The following CDH8 variants were observed in gnomAD, a reference collection of about 807,000 sequenced individuals.
CDH8 encodes cadherin-8.
In CDH8, 17 loss-of-function variants were observed where a neutral mutation model predicts 68.1. The observed-to-expected ratio is 0.25, with a 90% confidence interval of 0.17 to 0.37. The LOEUF is 0.37. Among genes scored for constraint, CDH8 ranks in the 10% least tolerant of loss-of-function variants. The pLI, the probability that CDH8 is intolerant of heterozygous loss-of-function variation, is 1.00. For missense variants in CDH8, 763 were observed against 999.3 expected, an observed-to-expected ratio of 0.76 and a Z score of 3.19; for synonymous variants, 372 against 365.1, an observed-to-expected ratio of 1.02 and a Z score of -0.21.
At position 62,032,274 on chromosome 16, in the gene CDH8, G is replaced by C. The variant is rs1010729959; in HGVS notation, c.-200+3806C>G. Reference sequence around the variant, plus strand: ...GGAACATGATAAAAATCTCAGACTTGAGCCAATAAATGAGTTCGTTATCTG... The same window carrying C: ...GGAACATGATAAAAATCTCAGACTTCAGCCAATAAATGAGTTCGTTATCTG... On this transcript the variant is annotated intron_variant, in intron 1 of 11. Coordinates refer to ENST00000577390, the MANE Select transcript of CDH8 (RefSeq NM_001796.5). 2.0e-5 allele frequency among the ~76,000 whole-genome samples: 3 copies of C among 152,072 alleles called. No individual in the cohort carries two copies. The East Asian group carries it at 5.8e-4, about 29-fold the overall frequency.
intron 4 of CDH8, among the ~76,000 whole-genome samples, chr16:61,834,296 C>T (rs1221626493): frequency 6.6e-6 from 1 of 151,618 alleles, no homozygotes; most frequent in Non-Finnish European, 1.5e-5. Context: ...GTGAGTGTGG[C>T]AGTATTTGAC....
chr16:61,687,965 G>A (rs989911305), intron 10 of CDH8, among the ~76,000 whole-genome samples: 3 of 151,954 alleles, frequency 2.0e-5, no homozygotes, highest in Admixed American at 6.6e-5. Context: ...ATCAGCATCC[G>A]TTGGCAAATC....
intron 2 of CDH8, among the ~76,000 whole-genome samples, chr16:61,970,380 T>C (rs1156840284): frequency 1.3e-5 from 2 of 152,178 alleles, no homozygotes; most frequent in Non-Finnish European, 2.9e-5. Context: ...TGTTCATAAG[T>C]AGAAGTTAAA....
rs368241476 is a variant in CDH8 at position 61,901,426 on chromosome 16, T to C, written c.300A>G (p.Leu100=). Residue 100 remains leucine (L), a synonymous_variant, in exon 3 of 12, where the codon CTA becomes CTG. Coordinates refer to ENST00000577390, the MANE Select transcript of CDH8 (RefSeq NM_001796.5). ...ATATGGTCCCAGCTCCATCACCTGA[T>C]AGGATATACTTGATTTTTTTGCTCC... The part of the protein sequence containing the change: ...DPGSKKIKYI[L]SGDGAGTIFQ... 2 of 1,613,872 alleles carry C rather than the reference T, an allele frequency of 1.2e-6. No individual in the cohort carries two copies. Among genetic ancestry groups the C allele is most frequent in the Non-Finnish European group, 1.7e-6 (2 of 1,179,804 alleles).
intron 3 of CDH8, among the ~76,000 whole-genome samples, chr16:61,886,823 C>A (rs764339553): frequency 6.6e-6 from 1 of 152,160 alleles, no homozygotes; most frequent in Non-Finnish European, 1.5e-5. Flanking sequence ...CAAATACCTG[C>A]GGTTGAGACT....
intron 3 of CDH8, among the ~76,000 whole-genome samples, chr16:61,894,424 T>A (rs1374498195): frequency 6.6e-6 from 1 of 152,116 alleles, no homozygotes; most frequent in African/African-American, 2.4e-5. Flanking sequence ...TTTGATGAGG[T>A]CTGTGTATTT....
At chr16:61,781,025 G>A (rs1271007115) in intron 8 of CDH8, among the ~76,000 whole-genome samples, 1 of 152,200 alleles carries the variant, frequency 6.6e-6, no homozygotes. Context: ...TAAGATGTTT[G>A]ACATGAATTC....
intron 2 of CDH8, among the ~76,000 whole-genome samples, chr16:61,942,212 G>C (rs1308327780): frequency 1.3e-5 from 2 of 152,112 alleles, no homozygotes; most frequent in Non-Finnish European, 2.9e-5. Context: ...ACAGACTAAG[G>C]AATGGGCACA....
At chr16:61,992,908 C>A (rs1965750141) in intron 2 of CDH8, among the ~76,000 whole-genome samples, 1 of 152,092 alleles carries the variant, frequency 6.6e-6, no homozygotes, top group African/African-American at 2.4e-5. Flanking sequence ...CCCACTTCAA[C>A]CCAAGTAGCT....
chr16:61,648,552 G>A lies in CDH8; in HGVS notation c.*5056C>T, dbSNP rs796324605. ...GATAACTGTTTAGTTGAAAGTTAAG[G>A]GGATTTAGTGTCAGATCAACCAAAC... is the stretch of plus-strand genomic sequence containing the variant. On this transcript the variant is annotated 3_prime_UTR_variant, in exon 12 of 12. Transcript: ENST00000577390. 5 of 151,752 alleles carry A rather than the reference G, an allele frequency of 3.3e-5. No individual in the cohort carries two copies. Among genetic ancestry groups the A allele is most frequent in the African/African-American group, 4.8e-5 (2 of 41,426 alleles). 9.4% of individuals were successfully genotyped at this position (151,752 alleles called of 1,614,324 possible).
At chr16:61,683,958 T>A (rs906400463) in intron 10 of CDH8, among the ~76,000 whole-genome samples, 1 of 152,000 alleles carries the variant, frequency 6.6e-6, no homozygotes, top group East Asian at 1.9e-4. Context: ...GCAGGGCCCA[T>A]GTTTGGTAAT....
chr16:61,697,673 G>A (rs1964353285), intron 10 of CDH8, among the ~76,000 whole-genome samples: 3 of 152,006 alleles, frequency 2.0e-5, no homozygotes, highest in African/African-American at 7.2e-5. Flanking sequence ...GCTAATTTTT[G>A]TATCTTTAAT....
chr16:61,711,828 T>C (rs1964636966), intron 10 of CDH8, among the ~76,000 whole-genome samples: 1 of 151,644 alleles, frequency 6.6e-6, no homozygotes, highest in Non-Finnish European at 1.5e-5. Context: ...GACATAAATA[T>C]AAGCAGCCAC....
intron 10 of CDH8, among the ~76,000 whole-genome samples, chr16:61,699,297 C>A (rs1964379813): frequency 1.3e-5 from 2 of 152,178 alleles, no homozygotes. Context: ...CCAGGAGAAT[C>A]TTTCACCACC....
At chr16:61,833,958 C>G (rs1243881747) in intron 4 of CDH8, among the ~76,000 whole-genome samples, 2 of 151,804 alleles carry the variant, frequency 1.3e-5, no homozygotes, top group East Asian at 3.9e-4. Flanking sequence ...ACCTGTCCTG[C>G]TAGCAAAGTA....
chr16:61,669,386 G>A (rs1963746204), intron 10 of CDH8, among the ~76,000 whole-genome samples: 1 of 151,944 alleles, frequency 6.6e-6, no homozygotes, highest in African/African-American at 2.4e-5. Context: ...ACAGTGGTGT[G>A]TGTTGCTTTT....
chr16:61,893,583 T>G (rs1297040282), intron 3 of CDH8, among the ~76,000 whole-genome samples: 3 of 152,026 alleles, frequency 2.0e-5, no homozygotes, highest in Admixed American at 6.6e-5. Flanking sequence ...AACCAGATTT[T>G]TGTGTGTGTG....
chr16:61,967,514 A>G (rs1304942004), intron 2 of CDH8, among the ~76,000 whole-genome samples: 1 of 152,228 alleles, frequency 6.6e-6, no homozygotes, highest in African/African-American at 2.4e-5. Flanking sequence ...ATATTTGCAT[A>G]TACATACAGA....
intron 9 of CDH8, 26 bp from the exon 10 acceptor site, chr16:61,713,984 A>G (rs768181922): frequency 1.5e-6 from 2 of 1,306,204 alleles, no homozygotes; most frequent in Non-Finnish European, 1.1e-6. Flanking sequence ...TGACGTCAGC[A>G]TTTCTGATGA....
Sources: allele counts gnomAD v4.1 joint callset (sites outside exome capture counted in the v4.1 genomes callset), GRCh38; gene constraint gnomAD v4.1.1; transcripts MANE v1.5; gene names NCBI Gene and HGNC (gene_info 2026-07-23, HGNC 2026-07-21).